The following ARHGAP15 variants were observed in gnomAD, a reference collection of about 807,000 sequenced individuals.
The protein encoded by ARHGAP15 is rho GTPase-activating protein 15.
A neutral mutation model predicts 63.7 loss-of-function variants in ARHGAP15; 51 were observed. That is an observed-to-expected ratio of 0.80 (90% CI 0.64 to 1.01). The LOEUF (loss-of-function observed/expected upper bound fraction) is 1.01, where lower values mean the gene tolerates loss of function less well. ARHGAP15 is among the 50% of genes least tolerant of loss of function. ARHGAP15 has a pLI of 0.00. For missense variants in ARHGAP15, 560 were observed against 564.6 expected (o/e 0.99, Z 0.08); for synonymous variants, 191 against 193.8 (o/e 0.99, Z 0.12).
chr2:143,332,441 T>C (rs1684589761), intron 6 of ARHGAP15, among the ~76,000 whole-genome samples: 1 of 152,168 alleles, frequency 6.6e-6, no homozygotes, highest in Non-Finnish European at 1.5e-5. Flanking sequence ...TTTTATGCTT[T>C]ATATTGTATC....
At chr2:143,188,219 T>C (rs937402628) in intron 2 of ARHGAP15, among the ~76,000 whole-genome samples, 1 of 152,134 alleles carries the variant, frequency 6.6e-6, no homozygotes, top group African/African-American at 2.4e-5. Flanking sequence ...TCATAGTTTT[T>C]CACAATTTTT....
chr2:143,179,863 G>T (rs1418001113), intron 2 of ARHGAP15, among the ~76,000 whole-genome samples: 1 of 151,116 alleles, frequency 6.6e-6, no homozygotes, highest in African/African-American at 2.4e-5. Context: ...CTGCGCTCCA[G>T]CCTGGGAGAT....
At chr2:143,588,628 C>CATCCTCATGGATGAG (rs1697201977) in intron 11 of ARHGAP15, among the ~76,000 whole-genome samples, 2 of 152,084 alleles carry the variant, frequency 1.3e-5, no homozygotes, top group Non-Finnish European at 2.9e-5. Flanking sequence ...TGATGGCTTC[C>CATCCTCATGGATGAG]GGCTTCATCC....
chr2:143,555,750 T>C (rs760351296), intron 10 of ARHGAP15, among the ~76,000 whole-genome samples: 39 of 152,100 alleles, frequency 2.6e-4, no homozygotes, highest in Non-Finnish European at 3.2e-4. Context: ...TCATTACCTA[T>C]AATACACTAG....
intron 2 of ARHGAP15, among the ~76,000 whole-genome samples, chr2:143,178,411 G>T (rs1691091604): frequency 6.6e-6 from 1 of 152,102 alleles, no homozygotes; most frequent in Non-Finnish European, 1.5e-5. Context: ...GAAGTTATCA[G>T]TTTTAAAGAA....
intron 8 of ARHGAP15, among the ~76,000 whole-genome samples, chr2:143,482,394 C>T (rs896932464): frequency 2.0e-5 from 3 of 152,100 alleles, no homozygotes; most frequent in Non-Finnish European, 4.4e-5. Context: ...ATTATTGTAC[C>T]ACACTGTGTA....
intron 8 of ARHGAP15, among the ~76,000 whole-genome samples, chr2:143,484,208 C>A (rs115986882): frequency 0.074 from 11,215 of 151,836 alleles, 624 homozygotes; most frequent in East Asian, 0.22. Context: ...TCTACTAAAA[C>A]CACAAAAATT....
At chr2:143,610,909 A>C (rs1277688123) in intron 11 of ARHGAP15, among the ~76,000 whole-genome samples, 1 of 151,970 alleles carries the variant, frequency 6.6e-6, no homozygotes, top group Non-Finnish European at 1.5e-5. Flanking sequence ...TTGTATTTTT[A>C]GTAGAGACGG....
At chr2:143,159,984 T>C (rs1349226300) in intron 2 of ARHGAP15, among the ~76,000 whole-genome samples, 1 of 151,950 alleles carries the variant, frequency 6.6e-6, no homozygotes, top group African/African-American at 2.4e-5. Flanking sequence ...TACAGACAAT[T>C]ATTTTCTCGT....
chr2:143,293,945 A>G (rs1252276418), intron 6 of ARHGAP15, among the ~76,000 whole-genome samples: 1 of 152,066 alleles, frequency 6.6e-6, no homozygotes, highest in Non-Finnish European at 1.5e-5. Context: ...AAATATTTGA[A>G]TTACTCTAAG....
intron 8 of ARHGAP15, among the ~76,000 whole-genome samples, chr2:143,448,732 A>G (rs552855304): frequency 6.6e-6 from 1 of 152,048 alleles, no homozygotes; most frequent in Non-Finnish European, 1.5e-5. Flanking sequence ...GATATAATCC[A>G]TGGACCAACA....
chr2:143,328,476 C>A (rs949006841), intron 6 of ARHGAP15, among the ~76,000 whole-genome samples: 1 of 152,050 alleles, frequency 6.6e-6, no homozygotes, highest in Non-Finnish European at 1.5e-5. Flanking sequence ...TCTCAGCAAA[C>A]TAACACAGGA....
At chr2:143,579,887 TTTTA>T (rs953071331) in intron 11 of ARHGAP15, among the ~76,000 whole-genome samples, 2 of 150,252 alleles carry the variant, frequency 1.3e-5, no homozygotes, top group Non-Finnish European at 3.0e-5. Flanking sequence ...TTATTTTTAT[TTTTA>T]TTTATTTATT....
Position 143,673,758 on chromosome 2 carries a change from G to GTGTATATATATA in ARHGAP15, c.1139-29660_1139-29659insGTATATATATAT, listed in dbSNP as rs1553520615. Among the ~76,000 whole-genome samples the GTGTATATATATA allele has an allele frequency of 9.2e-3, 203 of 22,092 alleles. 2 individuals are homozygous for GTGTATATATATA. Among genetic ancestry groups the GTGTATATATATA allele is most frequent in the African/African-American group, 0.015 (183 of 12,282 alleles). The allele number at this position is 22,092 out of a possible 152,430, so 14.5% of individuals were successfully genotyped here. A position where few individuals can be genotyped will look rare whatever the true frequency, so the allele number is the denominator to read the frequency against. ...TGTGTGTGTGTGTGTGTGTGTGTGT[G>GTGTATATATATA]TATATATATATATATATATATATAT... On this transcript the variant is annotated intron_variant, in intron 12 of 13. Coordinates refer to ENST00000295095, the MANE Select transcript of ARHGAP15 (RefSeq NM_018460.4).
At chr2:143,494,287 CCAATATT>C (rs1692718744) in intron 9 of ARHGAP15, among the ~76,000 whole-genome samples, 1 of 151,902 alleles carries the variant, frequency 6.6e-6, no homozygotes, top group Non-Finnish European at 1.5e-5. Flanking sequence ...GTTTTGTTCC[CCAATATT>C]TATATTATTT....
At chr2:143,470,918 G>A (rs1171168957) in intron 8 of ARHGAP15, among the ~76,000 whole-genome samples, 8 of 147,846 alleles carry the variant, frequency 5.4e-5, no homozygotes, top group African/African-American at 1.2e-4. Context: ...ATACACGTAT[G>A]TGTATATGTG....
chr2:143,416,845 G>A (rs796148392), intron 6 of ARHGAP15, among the ~76,000 whole-genome samples: 21 of 44,340 alleles, frequency 4.7e-4, no homozygotes, highest in Admixed American at 1.2e-3. Context: ...ACGCCCCCAC[G>A]CCCCCACGCC....
chr2:143,158,208 T>G (rs1232826434), intron 2 of ARHGAP15, among the ~76,000 whole-genome samples: 1 of 151,894 alleles, frequency 6.6e-6, no homozygotes, highest in African/African-American at 2.4e-5. Context: ...TCTCACAAAT[T>G]CATAAATTCC....
At chr2:143,412,292 AAATAT>A (rs1688480702) in intron 6 of ARHGAP15, among the ~76,000 whole-genome samples, 1 of 152,152 alleles carries the variant, frequency 6.6e-6, no homozygotes, top group South Asian at 2.1e-4. Flanking sequence ...GAAATGGATT[AAATAT>A]AATAGTACGA....
Sources: allele counts gnomAD v4.1 joint callset (sites outside exome capture counted in the v4.1 genomes callset), GRCh38; gene constraint gnomAD v4.1.1; transcripts MANE v1.5; gene names NCBI Gene and HGNC (gene_info 2026-07-23, HGNC 2026-07-21).